PLCB1: variants seen among roughly 807,000 people sequenced by gnomAD.
PLCB1 encodes 1-phosphatidylinositol 4,5-bisphosphate phosphodiesterase beta-1.
Under a neutral mutation model 161.8 loss-of-function variants are expected in PLCB1, and 46 were observed. The observed-to-expected ratio is 0.28, with a 90% CI of 0.22 to 0.36. PLCB1 has a LOEUF of 0.36. Among genes scored for constraint, PLCB1 ranks in the 10% least tolerant of loss-of-function variants. The pLI is 1.00. For missense variants in PLCB1, 1,016 were observed against 1,472.5 expected (o/e 0.69, Z 5.07); for synonymous variants, 517 against 503.7 (o/e 1.03, Z -0.35).
chr20:8,590,884 T>C (rs986945274), intron 3 of PLCB1, among the ~76,000 whole-genome samples: 15 of 152,118 alleles, frequency 9.9e-5, no homozygotes, highest in Admixed American at 2.6e-4. Context: ...TAGGTAAACA[T>C]GTGCCATGGT....
At chr20:8,439,807 A>T (rs532712380) in intron 3 of PLCB1, among the ~76,000 whole-genome samples, 1 of 150,874 alleles carries the variant, frequency 6.6e-6, no homozygotes, top group East Asian at 2.0e-4. Context: ...TGACCTTTTT[A>T]TAGGCATAGA....
intron 2 of PLCB1, among the ~76,000 whole-genome samples, chr20:8,281,855 A>C (rs1722119224): frequency 6.6e-6 from 1 of 152,106 alleles, no homozygotes; most frequent in South Asian, 2.1e-4. Context: ...TCTACCTACT[A>C]ACTCAATTGT....
intron 3 of PLCB1, among the ~76,000 whole-genome samples, chr20:8,591,485 T>G (rs1987148380): frequency 6.6e-6 from 1 of 152,208 alleles, no homozygotes; most frequent in African/African-American, 2.4e-5. Context: ...GATTCCAATT[T>G]AGAAGCTAAG....
chr20:8,803,774 GTTTTTTGT>G (rs1984396573), intron 31 of PLCB1, among the ~76,000 whole-genome samples: 1 of 148,028 alleles, frequency 6.8e-6, no homozygotes, highest in African/African-American at 2.6e-5. Flanking sequence ...GTAGTTTTGT[GTTTTTTGT>G]TTGTTTGTTT....
chr20:8,605,251 G>A (rs1220972608), intron 3 of PLCB1, among the ~76,000 whole-genome samples: 4 of 151,952 alleles, frequency 2.6e-5, no homozygotes, highest in Non-Finnish European at 1.5e-5. Context: ...ATAACAAACA[G>A]CATATTCCAT....
intron 3 of PLCB1, among the ~76,000 whole-genome samples, chr20:8,379,491 G>A (rs187624154): frequency 2.4e-3 from 363 of 152,200 alleles, no homozygotes; most frequent in Middle Eastern, 0.017. Context: ...TGGGTCAAAT[G>A]GTGTTTCTGG....
chr20:8,607,866 A>G (rs1172339145), intron 3 of PLCB1, among the ~76,000 whole-genome samples: 1 of 152,202 alleles, frequency 6.6e-6, no homozygotes, highest in African/African-American at 2.4e-5. Context: ...GGAATTTAAG[A>G]ATTAGAATTT....
At chr20:8,161,309 A>G (rs6055585) in intron 2 of PLCB1, among the ~76,000 whole-genome samples, 7,313 of 152,248 alleles carry the variant, frequency 0.048, 591 homozygotes, top group African/African-American at 0.16. Context: ...GTATACTTAC[A>G]CATATATATA....
intron 3 of PLCB1, among the ~76,000 whole-genome samples, chr20:8,622,894 A>G (rs1363884913): frequency 2.6e-5 from 4 of 152,078 alleles, no homozygotes; most frequent in Admixed American, 2.6e-4. Flanking sequence ...CACCAACCTA[A>G]TAGCTCAGGC....
chr20:8,728,661 G>A (rs1600280870), intron 17 of PLCB1, among the ~76,000 whole-genome samples: 1 of 151,974 alleles, frequency 6.6e-6, no homozygotes, highest in African/African-American at 2.4e-5. Context: ...TAGTCATTAA[G>A]TCTGTCCTTA....
chr20:8,137,687 A>G (rs186562209), intron 1 of PLCB1, among the ~76,000 whole-genome samples: 20 of 152,332 alleles, frequency 1.3e-4, no homozygotes, highest in African/African-American at 4.1e-4. Flanking sequence ...GAACATTGCC[A>G]TGTCATCAGT....
At chr20:8,367,742 GT>G (rs1986761013) in intron 2 of PLCB1, among the ~76,000 whole-genome samples, 1 of 152,178 alleles carries the variant, frequency 6.6e-6, no homozygotes, top group Non-Finnish European at 1.5e-5. Flanking sequence ...ATTGTAATGA[GT>G]TGTTAAAACT....
At chr20:8,226,174 T>C (rs751731427) in intron 2 of PLCB1, among the ~76,000 whole-genome samples, 1 of 152,186 alleles carries the variant, frequency 6.6e-6, no homozygotes, top group Non-Finnish European at 1.5e-5. Context: ...GTTGATGATC[T>C]TCACTGTTGC....
chr20:8,215,298 A>C (rs1370063488), intron 2 of PLCB1, among the ~76,000 whole-genome samples: 3 of 152,046 alleles, frequency 2.0e-5, no homozygotes, highest in Non-Finnish European at 4.4e-5. Context: ...GGCCGTAAAA[A>C]CCTGAAAACT....
chr20:8,149,210 C>T (rs1371326463), intron 1 of PLCB1, among the ~76,000 whole-genome samples: 1 of 152,084 alleles, frequency 6.6e-6, no homozygotes, highest in African/African-American at 2.4e-5. Flanking sequence ...TGCTTTACCC[C>T]AAATTATCCT....
chr20:8,484,890 G>C (rs1056665130), intron 3 of PLCB1, among the ~76,000 whole-genome samples: 2 of 152,246 alleles, frequency 1.3e-5, no homozygotes, highest in African/African-American at 4.8e-5. Context: ...ATATCCCCCA[G>C]TTGTGCATGT....
At chr20:8,853,824 TGCTGAG>T (rs2146304870) in intron 31 of PLCB1, among the ~76,000 whole-genome samples, 1 of 152,378 alleles carries the variant, frequency 6.6e-6, no homozygotes, top group South Asian at 2.1e-4. Flanking sequence ...CAGTCCCCTG[TGCTGAG>T]GCATTTTATG....
rs570183580 is a variant in PLCB1 at position 8,426,789 on chromosome 20, T to A, written c.246+55339T>A. 1.5e-3 allele frequency among the ~76,000 whole-genome samples: 236 copies of A among 152,336 alleles called. 1 individual carries two copies. Among genetic ancestry groups the A allele is most frequent in the Non-Finnish European group, 2.9e-3 (195 of 68,032 alleles). On this transcript the variant is annotated intron_variant, in intron 3 of 31. Transcript: ENST00000338037. ...ACTGTCTGTGTATCTCATAACATCG[T>A]GTCATAAACCTCAAATATATACAAT...
At chr20:8,262,229 A>G (rs1048147496) in intron 2 of PLCB1, among the ~76,000 whole-genome samples, 1 of 148,390 alleles carries the variant, frequency 6.7e-6, no homozygotes, top group South Asian at 2.2e-4. Context: ...CAACAGGCAC[A>G]TGCCACCACG....
Sources: gnomAD v4.1 joint callset for allele counts (sites outside exome capture counted in the v4.1 genomes callset) on GRCh38, gnomAD v4.1.1 for gene constraint, MANE v1.5 for transcripts, NCBI Gene and HGNC (gene_info 2026-07-23, HGNC 2026-07-21) for gene names.